Variants in ODAD4 observed in about 807,000 individuals in gnomAD.
ODAD4 encodes the protein outer dynein arm-docking complex subunit 4.
A neutral mutation model predicts 51.8 loss-of-function variants in ODAD4; 49 were observed. The observed-to-expected ratio is 0.95, with a 90% CI of 0.75 to 1.20. The LOEUF (loss-of-function observed/expected upper bound fraction) is 1.20, where lower values mean the gene tolerates loss of function less well. Ranked by LOEUF, ODAD4 falls within the 50% of genes most tolerant of loss-of-function variation. ODAD4 has a pLI of 0.00. For missense variants in ODAD4, 590 were observed against 586.5 expected, an observed-to-expected ratio of 1.01 and a Z score of -0.06; for synonymous variants, 235 against 221.3, an observed-to-expected ratio of 1.06 and a Z score of -0.55.
At chr17:41,954,873 G>C (rs944942497) in intron 9 of ODAD4, among the ~76,000 whole-genome samples, 1 of 150,316 alleles carries the variant, frequency 6.7e-6, no homozygotes, top group Non-Finnish European at 1.5e-5. Context: ...AAAAAAATTC[G>C]TCTTCCAGAA....
At chr17:41,938,938 C>A in intron 6 of ODAD4, 27 bp from the exon 7 acceptor site, 1 of 1,601,002 alleles carries the variant, frequency 6.2e-7, no homozygotes, top group South Asian at 1.1e-5. Context: ...CTGCCCTGGC[C>A]TCCACAGCAC....
At chr17:41,941,545 C>T (rs574585698) in intron 7 of ODAD4, among the ~76,000 whole-genome samples, 3 of 152,132 alleles carry the variant, frequency 2.0e-5, no homozygotes, top group Non-Finnish European at 4.4e-5. Context: ...GGGTGGATCA[C>T]GAGGTCAGGA....
At chr17:41,936,666 G>T in intron 4 of ODAD4, 96 bp from the exon 5 acceptor site, 1 of 1,549,172 alleles carries the variant, frequency 6.5e-7, no homozygotes, top group Non-Finnish European at 8.8e-7. Flanking sequence ...AAAGGTCCTG[G>T]AGTTGGAGGA....
intron 1 of ODAD4, among the ~76,000 whole-genome samples, chr17:41,934,523 T>G (rs1311019492): frequency 6.6e-6 from 1 of 151,896 alleles, no homozygotes; most frequent in Non-Finnish European, 1.5e-5. Context: ...AGCTAATTTT[T>G]TTGTATTTCG....
At chr17:41,958,676 A>G (rs1158036588) in intron 10 of ODAD4, among the ~76,000 whole-genome samples, 25 of 150,804 alleles carry the variant, frequency 1.7e-4, no homozygotes, top group African/African-American at 5.6e-4. Context: ...AAAAAAAAAA[A>G]AAGTAAATAA....
chr17:41,935,336 A>AG lies in ODAD4; in HGVS notation c.235dup (p.Ala79GlyfsTer4). 1 of 1,613,870 alleles carries AG rather than the reference A, an allele frequency of 6.2e-7. No individual in the cohort carries two copies. Among genetic ancestry groups the AG allele is most frequent in the African/African-American group, 1.3e-5 (1 of 75,068 alleles). On this transcript the variant is annotated frameshift_variant, in exon 2 of 12. Transcript: ENST00000377540. LOFTEE classifies it high-confidence loss of function. ...CTGAGGCTTCGCTCCAGAGTGACCC[A>AG]GCTTTCTGTAAGGTGACTGCATGGG...
intron 1 of ODAD4, among the ~76,000 whole-genome samples, chr17:41,932,533 T>G (rs1016504845): frequency 9.2e-5 from 14 of 151,830 alleles, no homozygotes; most frequent in Non-Finnish European, 1.3e-4. Context: ...AAGGAAACTG[T>G]TGTTTTTTTT....
intron 9 of ODAD4, 116 bp from the exon 10 acceptor site, chr17:41,955,101 A>G (rs1278471755): frequency 2.8e-6 from 2 of 713,070 alleles, no homozygotes; most frequent in Non-Finnish European, 5.2e-6. Flanking sequence ...GGGTCCGACT[A>G]CAGCTCACAC....
At position 41,960,309 on chromosome 17, in the gene ODAD4, G is replaced by GA. The variant is rs574888459; in HGVS notation, c.1444-1067dup. Among the ~76,000 whole-genome samples, 5 of 151,966 alleles carry GA rather than the reference G, an allele frequency of 3.3e-5. No individual in the cohort carries two copies. The East Asian group carries it at 5.8e-4, about 18-fold the overall frequency. Reference sequence around the variant, plus strand: ...ATAGCAAGACCCTGTCTCTTAAAAAGAAAAAACAAACAAACAAAAAAACAG... The same window carrying GA: ...ATAGCAAGACCCTGTCTCTTAAAAAGAAAAAAACAAACAAACAAAAAAACAG... On this transcript the variant is annotated intron_variant, in intron 10 of 11. Coordinates refer to ENST00000377540, the MANE Select transcript of ODAD4 (RefSeq NM_031421.5).
intron 9 of ODAD4, among the ~76,000 whole-genome samples, chr17:41,953,965 CTATG>C (rs1349554454): frequency 1.3e-5 from 2 of 151,504 alleles, no homozygotes; most frequent in African/African-American, 2.4e-5. Flanking sequence ...CGCACCTAGC[CTATG>C]TATGTATGTA....
intron 7 of ODAD4, 41 bp downstream of exon 7, chr17:41,939,213 G>C: frequency 6.4e-7 from 1 of 1,570,638 alleles, no homozygotes; most frequent in Non-Finnish European, 8.6e-7. Context: ...AGCCTACGGA[G>C]AAGGACACCT....
At position 41,955,044 on chromosome 17, in the gene ODAD4, G is replaced by A. The variant is rs1449855634; in HGVS notation, c.1343-173G>A. 10 of 707,846 alleles carry A rather than the reference G, an allele frequency of 1.4e-5. No homozygotes were observed. The East Asian group carries it at 2.7e-4, about 19-fold the overall frequency. The allele number at this position is 707,846 out of a possible 1,614,324, so 43.8% of individuals were successfully genotyped here. A position where few individuals can be genotyped will look rare whatever the true frequency, so the allele number is the denominator to read the frequency against. On this transcript the variant is annotated intron_variant, in intron 9 of 11. Transcript: ENST00000377540. ...GATGGTGACATAGCCCAGGAACACG[G>A]TGGAAAGGATGGTGCTGAGCAGCTC...
chr17:41,936,875 G>T lies in ODAD4; in HGVS notation c.573G>T (p.Leu191=), dbSNP rs555250097. The change falls in exon 5 of 12, where the codon CTG becomes CTT. Residue 191 remains leucine (L), a synonymous_variant. Coordinates refer to ENST00000377540, the MANE Select transcript of ODAD4 (RefSeq NM_031421.5). ...GTGAGAAGACTGTCCGCCAGCTTCT[G>T]GGGGAGCTCTACGTGGACAAAGAGT... is the stretch of plus-strand genomic sequence containing the variant. The part of the protein sequence containing the change: ...LKSEKTVRQL[L]GELYVDKEYL... 1.9e-6 allele frequency: 3 copies of T among 1,613,968 alleles called. No individual in the cohort carries two copies. The highest frequency in any genetic ancestry group is 1.6e-4 in the Middle Eastern group (1 of 6,062).
intron 9 of ODAD4, among the ~76,000 whole-genome samples, chr17:41,949,741 C>T (rs2077959075): frequency 6.6e-6 from 1 of 152,088 alleles, no homozygotes; most frequent in African/African-American, 2.4e-5. Context: ...GGTGCGATCT[C>T]GGCTCATTGC....
chr17:41,941,073 C>T (rs1185136958), intron 7 of ODAD4, among the ~76,000 whole-genome samples: 4 of 152,182 alleles, frequency 2.6e-5, no homozygotes, highest in South Asian at 2.1e-4. Flanking sequence ...TGAGCCACTG[C>T]GCTTGGCCCC....
In ODAD4 at chr17:41,960,708, A is replaced by C. The variant is rs539096524; in HGVS notation, c.1444-674A>C. 2.7e-3 allele frequency among the ~76,000 whole-genome samples: 412 copies of C among 152,142 alleles called. 3 individuals are homozygous for C. Among genetic ancestry groups the C allele is most frequent in the African/African-American group, 9.6e-3 (397 of 41,508 alleles). Reference sequence around the variant, plus strand: ...GACCCCTCACCCTCCTGGATTGGCAACTCCAGGTAGGAAGGCTCACAGTGG... The same window carrying C: ...GACCCCTCACCCTCCTGGATTGGCACCTCCAGGTAGGAAGGCTCACAGTGG... On this transcript the variant is annotated intron_variant, in intron 10 of 11. Coordinates refer to ENST00000377540, the MANE Select transcript of ODAD4 (RefSeq NM_031421.5).
chr17:41,948,341 G>A, intron 8 of ODAD4, among the ~76,000 whole-genome samples: 1 of 132,802 alleles, frequency 7.5e-6, no homozygotes, highest in Non-Finnish European at 1.5e-5. Flanking sequence ...TTTTGAGACA[G>A]GGTCTCACTT....
intron 10 of ODAD4, among the ~76,000 whole-genome samples, chr17:41,955,675 T>C (rs1248212350): frequency 1.3e-5 from 2 of 152,126 alleles, no homozygotes; most frequent in South Asian, 2.1e-4. Context: ...CCGCCCGCCT[T>C]GGCCTCTCAA....
chr17:41,960,084 G>A (rs1334914423), intron 10 of ODAD4, among the ~76,000 whole-genome samples: 3 of 152,340 alleles, frequency 2.0e-5, no homozygotes, highest in South Asian at 4.1e-4. Context: ...CAGCATGGCC[G>A]TTCAGTTCAG....
Sources: allele counts gnomAD v4.1 joint callset (sites outside exome capture counted in the v4.1 genomes callset), GRCh38; gene constraint gnomAD v4.1.1; transcripts MANE v1.5; gene names NCBI Gene and HGNC (gene_info 2026-07-23, HGNC 2026-07-21).